KCNQ3: variants seen among roughly 807,000 people sequenced by gnomAD.
KCNQ3 encodes potassium voltage-gated channel subfamily Q member 3.
In KCNQ3, 30 loss-of-function variants were observed where a neutral mutation model predicts 92.5. The observed-to-expected ratio is 0.32, with a 90% confidence interval of 0.24 to 0.44. The LOEUF is 0.44. Ranked by LOEUF, KCNQ3 falls within the 20% of genes least tolerant of loss-of-function variation. The pLI is 1.00. For missense variants in KCNQ3, 913 were observed against 1,140.3 expected (o/e 0.80, Z 2.87); for synonymous variants, 450 against 468.8 (o/e 0.96, Z 0.52).
intron 1 of KCNQ3, among the ~76,000 whole-genome samples, chr8:132,260,108 C>A (rs1008958426): frequency 2.0e-5 from 3 of 152,122 alleles, no homozygotes; most frequent in Non-Finnish European, 4.4e-5. Flanking sequence ...TAATCAAATT[C>A]CTAGTTGTAG....
At chr8:132,463,186 C>T (rs1822101131) in intron 1 of KCNQ3, among the ~76,000 whole-genome samples, 2 of 152,194 alleles carry the variant, frequency 1.3e-5, no homozygotes, top group South Asian at 4.1e-4. Flanking sequence ...TTGGCAACTT[C>T]ATTTACAATA....
intron 1 of KCNQ3, among the ~76,000 whole-genome samples, chr8:132,239,049 C>A (rs1814906313): frequency 6.6e-6 from 1 of 152,182 alleles, no homozygotes; most frequent in South Asian, 2.1e-4. Flanking sequence ...GACCCAAAGT[C>A]TTGGCAGAAT....
chr8:132,247,012 ATAAT>A (rs1166127026), intron 1 of KCNQ3, among the ~76,000 whole-genome samples: 10 of 152,358 alleles, frequency 6.6e-5, no homozygotes, highest in African/African-American at 2.4e-4. Flanking sequence ...CACAGTAATA[ATAAT>A]TGTTATTATA....
At chr8:132,143,495 G>A (rs114068755) in intron 9 of KCNQ3, among the ~76,000 whole-genome samples, 3 of 152,216 alleles carry the variant, frequency 2.0e-5, no homozygotes, top group South Asian at 2.1e-4. Context: ...TGTTCAGTAC[G>A]GCAACTAAGA....
chr8:132,317,258 C>G (rs1190106541), intron 1 of KCNQ3, among the ~76,000 whole-genome samples: 2 of 151,536 alleles, frequency 1.3e-5, no homozygotes, highest in African/African-American at 4.8e-5. Context: ...TAAGGTGACT[C>G]TGACCCCATT....
At chr8:132,320,752 G>A (rs748539070) in intron 1 of KCNQ3, among the ~76,000 whole-genome samples, 1 of 152,026 alleles carries the variant, frequency 6.6e-6, no homozygotes, top group East Asian at 1.9e-4. Flanking sequence ...GGAAGGGCAG[G>A]CTTAACGAAT....
chr8:132,169,070 A>G (rs1176790761), intron 8 of KCNQ3, among the ~76,000 whole-genome samples: 1 of 152,192 alleles, frequency 6.6e-6, no homozygotes, highest in African/African-American at 2.4e-5. Context: ...ATGGGCTTTG[A>G]AAGCCTCCAG....
chr8:132,241,749 A>G (rs7839935), intron 1 of KCNQ3, among the ~76,000 whole-genome samples: 88,110 of 151,848 alleles, frequency 0.58, 26,283 homozygotes, highest in East Asian at 0.81. Flanking sequence ...CAGGAAAATC[A>G]CTTGAACTGG....
intron 1 of KCNQ3, among the ~76,000 whole-genome samples, chr8:132,193,149 T>C (rs1223426043): frequency 6.6e-6 from 1 of 152,048 alleles, no homozygotes; most frequent in Non-Finnish European, 1.5e-5. Flanking sequence ...CGGCCAGGAG[T>C]CTTGGGGAGA....
At chr8:132,228,926 G>A (rs1165005116) in intron 1 of KCNQ3, among the ~76,000 whole-genome samples, 1 of 152,150 alleles carries the variant, frequency 6.6e-6, no homozygotes, top group Non-Finnish European at 1.5e-5. Context: ...CACAGGGAGA[G>A]AGGGAACAAT....
chr8:132,149,049 T>C (rs760698518), intron 9 of KCNQ3, among the ~76,000 whole-genome samples: 11 of 152,270 alleles, frequency 7.2e-5, no homozygotes, highest in Non-Finnish European at 1.3e-4. Context: ...AGGAATTTAT[T>C]ATTTTGTAGC....
chr8:132,184,517 A>C, intron 2 of KCNQ3, 150 bp from the exon 3 acceptor site: 4 of 586,044 alleles, frequency 6.8e-6, no homozygotes, highest in East Asian at 4.1e-5. Flanking sequence ...GGGGTGGGGA[A>C]GGGGAACCGG....
intron 1 of KCNQ3, chr8:132,447,136 G>A (rs1821704397): frequency 1.5e-6 from 2 of 1,378,156 alleles, no homozygotes; most frequent in Non-Finnish European, 2.0e-6. Context: ...TCTCCCCCTG[G>A]GACTCTGAGT....
chr8:132,209,810 G>T (rs974264739), intron 1 of KCNQ3, among the ~76,000 whole-genome samples: 4 of 152,090 alleles, frequency 2.6e-5, no homozygotes, highest in African/African-American at 9.7e-5. Flanking sequence ...AGTAGTTCAG[G>T]TGTATTAAAT....
chr8:132,327,472 G>A (rs1354580225), intron 1 of KCNQ3, among the ~76,000 whole-genome samples: 1 of 152,106 alleles, frequency 6.6e-6, no homozygotes, highest in Non-Finnish European at 1.5e-5. Context: ...ATCAGAGTAT[G>A]GCCCTTAAGT....
intron 1 of KCNQ3, among the ~76,000 whole-genome samples, chr8:132,428,245 T>G (rs1401961906): frequency 2.6e-5 from 4 of 152,126 alleles, no homozygotes; most frequent in African/African-American, 9.7e-5. Flanking sequence ...CTCTTTAAGA[T>G]CTTCTTTTTC....
chr8:132,150,306 T>G lies in KCNQ3; in HGVS notation c.1263-8975A>C, dbSNP rs954413756. ...TGGCCTGTAACCTCGTGGCAGGGCT[T>G]TGTTTAGCCTTTGGGTGGCCTAGAT... On this transcript the variant is annotated intron_variant, in intron 9 of 14. Coordinates refer to ENST00000388996, the MANE Select transcript of KCNQ3 (RefSeq NM_004519.4). Among the ~76,000 whole-genome samples, 6 of 152,258 alleles carry G rather than the reference T, an allele frequency of 3.9e-5. No individual in the cohort carries two copies. In the East Asian group the frequency reaches 1.2e-3, roughly 30 times the overall value.
intron 1 of KCNQ3, among the ~76,000 whole-genome samples, chr8:132,379,866 C>T (rs1819698858): frequency 1.3e-5 from 2 of 150,064 alleles, no homozygotes; most frequent in Admixed American, 6.6e-5. Flanking sequence ...TTTCTAGAAG[C>T]TCCTGAGGAA....
intron 1 of KCNQ3, among the ~76,000 whole-genome samples, chr8:132,337,358 A>T (rs1172395118): frequency 1.3e-5 from 2 of 152,114 alleles, no homozygotes; most frequent in Non-Finnish European, 2.9e-5. Context: ...TTAGCCAGGC[A>T]TGGTGGTGTG....
Sources: allele counts gnomAD v4.1 joint callset (sites outside exome capture counted in the v4.1 genomes callset), GRCh38; gene constraint gnomAD v4.1.1; transcripts MANE v1.5; gene names NCBI Gene and HGNC (gene_info 2026-07-23, HGNC 2026-07-21).